The following DDAH1 variants were observed in gnomAD, a reference collection of about 807,000 sequenced individuals.
DDAH1 encodes dimethylarginine dimethylaminohydrolase 1, also known as N(G),N(G)-dimethylarginine dimethylaminohydrolase 1.
DDAH1 carries 19 observed loss-of-function variants against 28.8 expected under a neutral mutation model. That is an observed-to-expected ratio of 0.66 (90% confidence interval 0.46 to 0.97). DDAH1 has a LOEUF of 0.97. Ranked by LOEUF, DDAH1 falls within the 50% of genes least tolerant of loss-of-function variation. The pLI is 0.00. For synonymous variants in DDAH1, 153 were observed against 154.4 expected (o/e 0.99, Z 0.07); for missense variants, 326 against 375.9 (o/e 0.87, Z 1.10).
intron 1 of DDAH1, among the ~76,000 whole-genome samples, chr1:85,401,502 T>TTTTTTCTTTTTTCTTTC: frequency 2.6e-4 from 1 of 3,808 alleles, no homozygotes; most frequent in Non-Finnish European, 5.3e-4. Flanking sequence ...TTTTTCTTTC[T>TTTTTTCTTTTTTCTTTC]TTTTTTTTTT....
intron 1 of DDAH1, among the ~76,000 whole-genome samples, chr1:85,436,785 G>A (rs1201886080): frequency 1.3e-5 from 2 of 152,120 alleles, no homozygotes; most frequent in Non-Finnish European, 2.9e-5. Context: ...GGAGGTGAGG[G>A]TCACAGTTGT....
At chr1:85,463,949 C>T (rs796255660) in intron 1 of DDAH1, among the ~76,000 whole-genome samples, 4 of 152,306 alleles carry the variant, frequency 2.6e-5, no homozygotes, top group African/African-American at 7.2e-5. Flanking sequence ...TCACAAGCTG[C>T]AGTATTTCAA....
upstream of DDAH1, among the ~76,000 whole-genome samples, chr1:85,470,109 A>G (rs1464376030): frequency 6.6e-6 from 1 of 152,210 alleles, no homozygotes; most frequent in Non-Finnish European, 1.5e-5. Flanking sequence ...ATTTACTTTC[A>G]TAGGAGACAG....
At chr1:85,391,415 T>TA (rs1651542364) in intron 1 of DDAH1, among the ~76,000 whole-genome samples, 1 of 152,130 alleles carries the variant, frequency 6.6e-6, no homozygotes, top group Non-Finnish European at 1.5e-5. Flanking sequence ...TGCAGTGAGT[T>TA]ACGATTATGT....
intron 1 of DDAH1, among the ~76,000 whole-genome samples, chr1:85,392,080 T>C (rs1651579007): frequency 6.6e-6 from 1 of 152,210 alleles, no homozygotes. Context: ...TCTGAGATTC[T>C]ACATTAAACT....
At chr1:85,335,968 GAAATAAAATA>G (rs139704444) in intron 4 of DDAH1, among the ~76,000 whole-genome samples, 1,551 of 143,938 alleles carry the variant, frequency 0.011, 17 homozygotes, top group African/African-American at 0.025. Flanking sequence ...TCTCTAAAAT[GAAATAAAATA>G]AAATAAAATA....
At chr1:85,382,111 A>G (rs920645993) in intron 1 of DDAH1, among the ~76,000 whole-genome samples, 3 of 152,252 alleles carry the variant, frequency 2.0e-5, no homozygotes, top group Non-Finnish European at 2.9e-5. Flanking sequence ...TTAAAAGCTG[A>G]GACAGGCCAA....
chr1:85,429,443 C>T (rs1185074264), intron 1 of DDAH1, among the ~76,000 whole-genome samples: 1 of 152,174 alleles, frequency 6.6e-6, no homozygotes, highest in South Asian at 2.1e-4. Context: ...GGTTCCAAGT[C>T]TTTGCTATTG....
At chr1:85,380,931 C>T (rs1570460202) in intron 1 of DDAH1, among the ~76,000 whole-genome samples, 1 of 152,064 alleles carries the variant, frequency 6.6e-6, no homozygotes, top group African/African-American at 2.4e-5. Context: ...AGAGAAGAAA[C>T]TATAGACCTG....
chr1:85,489,652 T>C (rs1156951823), intron 2 of DDAH1, among the ~76,000 whole-genome samples: 2 of 151,768 alleles, frequency 1.3e-5, no homozygotes, highest in African/African-American at 4.8e-5. Context: ...ACCACCCACA[T>C]TTAGAGATAG....
chr1:85,429,615 A>G (rs1363759825), intron 1 of DDAH1, among the ~76,000 whole-genome samples: 1 of 152,196 alleles, frequency 6.6e-6, no homozygotes, highest in African/African-American at 2.4e-5. Context: ...TGGTTGAACT[A>G]GTTTACAGTC....
At chr1:85,348,873 A>G (rs1480250288) in intron 4 of DDAH1, among the ~76,000 whole-genome samples, 1 of 152,214 alleles carries the variant, frequency 6.6e-6, no homozygotes, top group Non-Finnish European at 1.5e-5. Flanking sequence ...GACCTGATCT[A>G]CCCAGAATGG....
rs746952952 is a variant in DDAH1 at position 85,464,832 on chromosome 1, G to A, written c.214C>T (p.Pro72Ser). ...VVELPADESL[P>S]DCVFVEDVAV... The stretch of plus-strand genomic sequence containing the variant: ...ACGTCCTCCACGAAGACGCAGTCCG[G>A]AAGGCTCTCGTCGGCCGGCAGCTCC... The change falls in exon 1 of 6, where the codon CCG (proline) becomes TCG (serine). Residue 72 changes from proline to serine, a missense_variant. Pro to Ser is a moderately conservative substitution (Grantham distance 74). Coordinates refer to ENST00000284031, the MANE Select transcript of DDAH1 (RefSeq NM_012137.4). This position sits in a 1 kb window ranked among gnomAD's most constrained non-coding sequence, Gnocchi z 4.4. 1.6e-5 allele frequency: 25 copies of A among 1,588,406 alleles called. 1 individual carries two copies. The South Asian group carries it at 2.6e-4, about 16-fold the overall frequency.
At chr1:85,366,806 G>C (rs1406501803) in intron 1 of DDAH1, among the ~76,000 whole-genome samples, 1 of 152,050 alleles carries the variant, frequency 6.6e-6, no homozygotes, top group Non-Finnish European at 1.5e-5. Context: ...CAATGCAGTG[G>C]GAAACAAAGA....
intron 1 of DDAH1, among the ~76,000 whole-genome samples, chr1:85,516,900 G>C (rs1182278027): frequency 6.6e-6 from 1 of 152,176 alleles, no homozygotes; most frequent in African/African-American, 2.4e-5. Flanking sequence ...TGGAAGCATT[G>C]CTTACAAATA....
At chr1:85,553,947 T>C (rs1006128625) in intron 1 of DDAH1, among the ~76,000 whole-genome samples, 1 of 152,242 alleles carries the variant, frequency 6.6e-6, no homozygotes, top group African/African-American at 2.4e-5. Context: ...TCTTGGTTCA[T>C]AAGGAAGCCC....
At chr1:85,364,867 G>A (rs1649984511) in intron 1 of DDAH1, among the ~76,000 whole-genome samples, 2 of 152,214 alleles carry the variant, frequency 1.3e-5, no homozygotes, top group Non-Finnish European at 2.9e-5. Flanking sequence ...ACTAAAACTA[G>A]CCAAAACTAC....
At chr1:85,442,087 G>C (rs1410928360) in intron 1 of DDAH1, among the ~76,000 whole-genome samples, 2 of 151,598 alleles carry the variant, frequency 1.3e-5, no homozygotes, top group Non-Finnish European at 2.9e-5. Context: ...ATGCAGGTTT[G>C]TTACATATGT....
Position 85,464,913 on chromosome 1 carries a change from G to C in DDAH1, c.133C>G (p.Arg45Gly). The change falls in exon 1 of 6, where the codon CGG becomes GGG. Residue 45 changes from arginine to glycine, a missense_variant. By Grantham distance (125) the Arg-to-Gly change is moderately radical (BLOSUM62 -2). Transcript: ENST00000284031. This position sits in a 1 kb window ranked among gnomAD's most constrained non-coding sequence, Gnocchi z 4.4. ...ACGCCCACGTAGAGCTGGTGCTGCC[G>C]TTCCGCGCGGGCGACGTCCACCTCC... is the stretch of plus-strand genomic sequence containing the variant. ...GEEVDVARAE[R>G]QHQLYVGVLG... 1 of 1,559,138 alleles carries C rather than the reference G, an allele frequency of 6.4e-7. No homozygotes were observed. Among genetic ancestry groups the C allele is most frequent in the Non-Finnish European group, 8.6e-7 (1 of 1,163,616 alleles).
Sources: allele counts gnomAD v4.1 joint callset (sites outside exome capture counted in the v4.1 genomes callset), GRCh38; gene constraint gnomAD v4.1.1; non-coding constraint Gnocchi (gnomAD v3.1); transcripts MANE v1.5; gene names NCBI Gene and HGNC (gene_info 2026-07-23, HGNC 2026-07-21).